The following STT3B variants were observed in gnomAD, a reference collection of about 807,000 sequenced individuals.
The protein encoded by STT3B is dolichyl-diphosphooligosaccharide--protein glycosyltransferase subunit STT3B.
A neutral mutation model predicts 96.8 loss-of-function variants in STT3B; 29 were observed. The ratio of observed to expected loss-of-function variants is 0.30; its 90% CI spans 0.22 to 0.41. The LOEUF is 0.41. Among genes scored for constraint, STT3B ranks in the 10% least tolerant of loss-of-function variants. STT3B has a pLI of 1.00. For missense variants in STT3B, 640 were observed against 1,022.3 expected, an observed-to-expected ratio of 0.63 and a Z score of 5.10; for synonymous variants, 367 against 360.0, an observed-to-expected ratio of 1.02 and a Z score of -0.22.
intron 1 of STT3B, among the ~76,000 whole-genome samples, chr3:31,550,010 T>A (rs1697512090): frequency 6.6e-6 from 1 of 152,206 alleles, no homozygotes; most frequent in Non-Finnish European, 1.5e-5. Flanking sequence ...ATTAAAATGC[T>A]CTAACAGCCT....
At chr3:31,632,632 AAG>A (rs1267384445) in intron 14 of STT3B, among the ~76,000 whole-genome samples, 3 of 151,016 alleles carry the variant, frequency 2.0e-5, no homozygotes, top group Non-Finnish European at 4.4e-5. Flanking sequence ...TACCTATAAA[AAG>A]GGCTTTGATA....
intron 14 of STT3B, among the ~76,000 whole-genome samples, 180 bp downstream of exon 14, chr3:31,629,591 A>G (rs1309336219): frequency 6.6e-6 from 1 of 152,194 alleles, no homozygotes; most frequent in African/African-American, 2.4e-5. Flanking sequence ...AAATTAGAAA[A>G]TAAAATTTTA....
chr3:31,618,861 GTTATA>G (rs1244547123), intron 8 of STT3B, among the ~76,000 whole-genome samples: 1 of 151,786 alleles, frequency 6.6e-6, no homozygotes, highest in African/African-American at 2.4e-5. Flanking sequence ...AACTTGTGCA[GTTATA>G]TTATAAAGTA....
intron 5 of STT3B, among the ~76,000 whole-genome samples, chr3:31,605,200 C>G (rs1321019530): frequency 6.6e-6 from 1 of 151,402 alleles, no homozygotes; most frequent in East Asian, 1.9e-4. Flanking sequence ...AAGGAGTGTT[C>G]CTTCTTTTTT....
chr3:31,614,802 AT>A (rs891839217), intron 5 of STT3B, among the ~76,000 whole-genome samples: 1 of 151,936 alleles, frequency 6.6e-6, no homozygotes, highest in Non-Finnish European at 1.5e-5. Context: ...AGTCGTATGA[AT>A]GATTGCTAAT....
At chr3:31,572,999 A>G (rs1369528226) in intron 1 of STT3B, among the ~76,000 whole-genome samples, 1 of 152,214 alleles carries the variant, frequency 6.6e-6, no homozygotes, top group Non-Finnish European at 1.5e-5. Context: ...TGGAAAAATG[A>G]CAGAATCTCT....
chr3:31,628,682 C>T (rs1241236781), intron 13 of STT3B, among the ~76,000 whole-genome samples: 3 of 151,976 alleles, frequency 2.0e-5, no homozygotes, highest in East Asian at 1.9e-4. Flanking sequence ...CAAATAAAGC[C>T]GATTTTAAAG....
intron 5 of STT3B, among the ~76,000 whole-genome samples, chr3:31,602,660 AT>A (rs11316900): frequency 0.13 from 16,638 of 124,986 alleles, 1,565 homozygotes; most frequent in East Asian, 0.32. Flanking sequence ...GGTAGCTGGG[AT>A]TTTTTTTTTT....
intron 3 of STT3B, among the ~76,000 whole-genome samples, chr3:31,592,362 G>A (rs941891518): frequency 1.3e-5 from 2 of 152,186 alleles, no homozygotes; most frequent in East Asian, 1.9e-4. Flanking sequence ...TTCATCTGCA[G>A]CTGGACACTT....
chr3:31,555,306 T>C (rs749813486), intron 1 of STT3B, among the ~76,000 whole-genome samples: 1 of 152,152 alleles, frequency 6.6e-6, no homozygotes, highest in Non-Finnish European at 1.5e-5. Context: ...AGGTGGTTCC[T>C]AGCTATAAAA....
intron 3 of STT3B, among the ~76,000 whole-genome samples, chr3:31,588,967 T>C (rs953040320): frequency 9.2e-5 from 14 of 152,056 alleles, no homozygotes; most frequent in African/African-American, 2.9e-4. Context: ...CTCAGTCTTT[T>C]GCCTTTCCAT....
intron 1 of STT3B, among the ~76,000 whole-genome samples, chr3:31,553,346 T>C (rs1408336860): frequency 6.6e-6 from 1 of 152,214 alleles, no homozygotes; most frequent in Non-Finnish European, 1.5e-5. Context: ...ATGTACAGCC[T>C]TATTATTTCC....
chr3:31,537,534 A>T (rs1697132741), intron 1 of STT3B, among the ~76,000 whole-genome samples: 1 of 152,176 alleles, frequency 6.6e-6, no homozygotes, highest in Non-Finnish European at 1.5e-5. Context: ...GATGGCTTCC[A>T]TAAGTAGTAA....
chr3:31,629,145 G>T, intron 13 of STT3B, 153 bp from the exon 14 acceptor site: 1 of 598,528 alleles, frequency 1.7e-6, no homozygotes, highest in South Asian at 2.0e-5. Flanking sequence ...ATGGTTCGAA[G>T]TCTGGTGGGA....
intron 14 of STT3B, 68 bp downstream of exon 14, chr3:31,629,479 T>A: frequency 2.6e-6 from 2 of 783,952 alleles, no homozygotes; most frequent in Non-Finnish European, 4.2e-6. Flanking sequence ...TATTTGCCTC[T>A]AGAAAACAGG....
At chr3:31,591,683 G>T (rs1022699367) in intron 3 of STT3B, among the ~76,000 whole-genome samples, 2 of 151,890 alleles carry the variant, frequency 1.3e-5, no homozygotes, top group African/African-American at 4.8e-5. Context: ...ATTGTCGTAT[G>T]TATTATATCT....
intron 3 of STT3B, among the ~76,000 whole-genome samples, chr3:31,595,393 C>T (rs1276128401): frequency 3.9e-5 from 6 of 152,288 alleles, no homozygotes; most frequent in East Asian, 1.9e-4. Context: ...CAGCTGTTTT[C>T]TGTTTTGGCA....
intron 3 of STT3B, among the ~76,000 whole-genome samples, chr3:31,587,717 G>GA (rs1245242749): frequency 3.9e-5 from 6 of 152,072 alleles, no homozygotes; most frequent in Admixed American, 3.9e-4. Context: ...ACGCTTCTGT[G>GA]AACATCTGTG....
At chr3:31,613,773 CG>C (rs893437595) in intron 5 of STT3B, among the ~76,000 whole-genome samples, 1 of 151,604 alleles carries the variant, frequency 6.6e-6, no homozygotes, top group Non-Finnish European at 1.5e-5. Context: ...GGTCATGTGA[CG>C]GGGAAATTTT....
Sources: allele counts gnomAD v4.1 joint callset (sites outside exome capture counted in the v4.1 genomes callset), GRCh38; gene constraint gnomAD v4.1.1; transcripts MANE v1.5; gene names NCBI Gene and HGNC (gene_info 2026-07-23, HGNC 2026-07-21).